The following ADAMTSL1 variants were observed in gnomAD, a reference collection of about 807,000 sequenced individuals.
ADAMTSL1 encodes the protein ADAMTS-like protein 1.
In ADAMTSL1, 126 loss-of-function variants were observed where a neutral mutation model predicts 201.8. The observed-to-expected ratio is 0.62, with a 90% CI of 0.54 to 0.72. The LOEUF (loss-of-function observed/expected upper bound fraction) is 0.72, where lower values mean the gene tolerates loss of function less well. ADAMTSL1 is among the 30% of genes least tolerant of loss of function. The pLI is 0.00. For synonymous variants in ADAMTSL1, 1,121 were observed against 903.4 expected, an observed-to-expected ratio of 1.24 and a Z score of -4.32; for missense variants, 2,679 against 2,277.8, an observed-to-expected ratio of 1.18 and a Z score of -3.59.
chr9:17,946,033 G>A (rs1384432314), intron 1 of ADAMTSL1, among the ~76,000 whole-genome samples: 1 of 151,028 alleles, frequency 6.6e-6, no homozygotes, highest in Non-Finnish European at 1.5e-5. Context: ...AATTCTTTGT[G>A]TTGAAAGATA....
At chr9:18,668,683 C>T (rs1235468882) in intron 9 of ADAMTSL1, among the ~76,000 whole-genome samples, 1 of 152,080 alleles carries the variant, frequency 6.6e-6, no homozygotes, top group South Asian at 2.1e-4. Flanking sequence ...ATTAATAAGA[C>T]AACATATGTA....
At chr9:18,876,932 G>T (rs979682475) in intron 23 of ADAMTSL1, among the ~76,000 whole-genome samples, 4 of 152,126 alleles carry the variant, frequency 2.6e-5, no homozygotes, top group Non-Finnish European at 5.9e-5. Context: ...CTTCTTGAAG[G>T]CTTTGTTCAT....
intron 1 of ADAMTSL1, among the ~76,000 whole-genome samples, chr9:18,001,684 A>G (rs34001670): frequency 1.3e-5 from 2 of 152,112 alleles, no homozygotes; most frequent in African/African-American, 4.8e-5. Flanking sequence ...GAAGTGAGAA[A>G]CAATGCATAT....
chr9:18,776,533 T>C (rs997807552), intron 18 of ADAMTSL1, among the ~76,000 whole-genome samples: 5 of 152,178 alleles, frequency 3.3e-5, no homozygotes, highest in South Asian at 4.1e-4. Context: ...TTAGTTCTGA[T>C]TGTGGTGGCA....
chr9:17,951,662 T>C (rs903856695), intron 1 of ADAMTSL1, among the ~76,000 whole-genome samples: 1 of 151,988 alleles, frequency 6.6e-6, no homozygotes, highest in Non-Finnish European at 1.5e-5. Flanking sequence ...TGTCTCTTAT[T>C]GATCTGGAGG....
chr9:18,615,697 C>T (rs2132634343), intron 4 of ADAMTSL1, among the ~76,000 whole-genome samples: 1 of 152,256 alleles, frequency 6.6e-6, no homozygotes, highest in South Asian at 2.1e-4. Flanking sequence ...TAAATAATGT[C>T]TATGGATAAT....
chr9:18,525,395 C>T (rs1184613123), intron 2 of ADAMTSL1, among the ~76,000 whole-genome samples: 2 of 152,104 alleles, frequency 1.3e-5, no homozygotes, highest in East Asian at 1.9e-4. Flanking sequence ...AACACCAGCT[C>T]CTGGATTCAT....
intron 1 of ADAMTSL1, among the ~76,000 whole-genome samples, chr9:17,915,741 A>G (rs951597675): frequency 6.6e-6 from 1 of 152,162 alleles, no homozygotes; most frequent in East Asian, 1.9e-4. Flanking sequence ...GGTCATTCAA[A>G]CAGGTATAGT....
intron 2 of ADAMTSL1, among the ~76,000 whole-genome samples, chr9:18,465,324 A>G (rs2131725801): frequency 6.6e-6 from 1 of 152,314 alleles, no homozygotes; most frequent in Non-Finnish European, 1.5e-5. Flanking sequence ...TAAAACATAC[A>G]TGTTGTGATA....
chr9:18,892,325 G>A, intron 25 of ADAMTSL1, 64 bp from the exon 26 acceptor site: 2 of 1,494,816 alleles, frequency 1.3e-6, no homozygotes, highest in African/African-American at 2.8e-5. Flanking sequence ...TCGGTGGGGA[G>A]GAGGTCTCTT....
At chr9:18,335,557 A>G (rs1725983147) in intron 2 of ADAMTSL1, among the ~76,000 whole-genome samples, 2 of 152,142 alleles carry the variant, frequency 1.3e-5, no homozygotes, top group South Asian at 4.1e-4. Flanking sequence ...TGACTCCATA[A>G]TAGAACAGAT....
chr9:18,280,067 C>T (rs1190718688), intron 2 of ADAMTSL1, among the ~76,000 whole-genome samples: 1 of 151,966 alleles, frequency 6.6e-6, no homozygotes, highest in African/African-American at 2.4e-5. Context: ...TAGGCTTGAA[C>T]CCTAGTTTTT....
At chr9:18,441,871 A>G (rs1366340115) in intron 2 of ADAMTSL1, among the ~76,000 whole-genome samples, 2 of 152,186 alleles carry the variant, frequency 1.3e-5, no homozygotes, top group Non-Finnish European at 2.9e-5. Context: ...TCAATTTTTA[A>G]CTAAGTTTTG....
chr9:18,774,346 A>T (rs1820860541), intron 17 of ADAMTSL1, among the ~76,000 whole-genome samples: 1 of 152,042 alleles, frequency 6.6e-6, no homozygotes, highest in African/African-American at 2.4e-5. Context: ...CAAGCTCCTG[A>T]CACTTAGAAC....
At chr9:18,515,107 T>A (rs915346376) in intron 2 of ADAMTSL1, among the ~76,000 whole-genome samples, 1 of 151,994 alleles carries the variant, frequency 6.6e-6, no homozygotes, top group African/African-American at 2.4e-5. Flanking sequence ...GGAAAGCTTT[T>A]AAAAAAAATA....
intron 1 of ADAMTSL1, among the ~76,000 whole-genome samples, chr9:18,055,283 CACAA>C (rs1822129198): frequency 6.6e-6 from 1 of 152,146 alleles, no homozygotes; most frequent in Admixed American, 6.5e-5. Flanking sequence ...CCTTGGGCCT[CACAA>C]ACAGACTGGT....
intron 1 of ADAMTSL1, among the ~76,000 whole-genome samples, chr9:18,048,946 T>C (rs1821795483): frequency 1.3e-5 from 2 of 152,130 alleles, no homozygotes; most frequent in African/African-American, 2.4e-5. Flanking sequence ...AGCAGGATTG[T>C]TTTCTTCTGG....
intron 2 of ADAMTSL1, among the ~76,000 whole-genome samples, chr9:18,338,453 C>T (rs1031289357): frequency 6.7e-6 from 1 of 150,090 alleles, no homozygotes; most frequent in African/African-American, 2.4e-5. Flanking sequence ...CTGTTTTTGG[C>T]TTTTGTTTTT....
intron 4 of ADAMTSL1, among the ~76,000 whole-genome samples, chr9:18,577,003 T>A (rs1822778015): frequency 6.6e-6 from 1 of 152,122 alleles, no homozygotes. Flanking sequence ...GCAGACCATT[T>A]GGTAATGGTC....
Sources: allele counts gnomAD v4.1 joint callset (sites outside exome capture counted in the v4.1 genomes callset), GRCh38; gene constraint gnomAD v4.1.1; transcripts MANE v1.5; gene names NCBI Gene and HGNC (gene_info 2026-07-23, HGNC 2026-07-21).